The following TGFB2 variants were observed in gnomAD, a reference collection of about 807,000 sequenced individuals.
The protein encoded by TGFB2 is transforming growth factor beta-2 proprotein.
A neutral mutation model predicts 42.7 loss-of-function variants in TGFB2; 13 were observed. The observed-to-expected ratio is 0.30, with a 90% CI of 0.20 to 0.48. The LOEUF is 0.48. Among genes scored for constraint, TGFB2 ranks in the 20% least tolerant of loss-of-function variants. The pLI is 0.99. For missense variants in TGFB2, 390 were observed against 517.5 expected, an observed-to-expected ratio of 0.75 and a Z score of 2.39; for synonymous variants, 193 against 193.6, an observed-to-expected ratio of 1.00 and a Z score of 0.03.
intron 2 of TGFB2, among the ~76,000 whole-genome samples, chr1:218,417,693 G>A (rs1323624845): frequency 6.6e-6 from 1 of 152,194 alleles, no homozygotes; most frequent in Non-Finnish European, 1.5e-5. Context: ...GGCCTAAGAG[G>A]AAAATGTGGT....
At chr1:218,356,204 G>A (rs900315604) in intron 1 of TGFB2, among the ~76,000 whole-genome samples, 3 of 151,800 alleles carry the variant, frequency 2.0e-5, no homozygotes, top group African/African-American at 7.3e-5. Context: ...GTTTCAAAGG[G>A]TATATAAATT....
intron 1 of TGFB2, among the ~76,000 whole-genome samples, chr1:218,404,051 C>CAAAAAAAAA: frequency 1.0e-5 from 1 of 99,764 alleles, no homozygotes; most frequent in Non-Finnish European, 2.1e-5. Context: ...TGGCAGATTA[C>CAAAAAAAAA]AAAAAAAAAA....
chr1:218,415,875 C>T (rs1659262702), intron 2 of TGFB2, among the ~76,000 whole-genome samples: 1 of 151,852 alleles, frequency 6.6e-6, no homozygotes, highest in African/African-American at 2.4e-5. Context: ...AAGTGTCTGG[C>T]ACACAAGATG....
chr1:218,352,855 T>G (rs1282997702), intron 1 of TGFB2, among the ~76,000 whole-genome samples: 1 of 152,226 alleles, frequency 6.6e-6, no homozygotes, highest in Non-Finnish European at 1.5e-5. Flanking sequence ...CTACTGAGTT[T>G]GTGGGAGACA....
intron 2 of TGFB2, among the ~76,000 whole-genome samples, chr1:218,422,282 A>G (rs1421117029): frequency 6.6e-6 from 1 of 151,454 alleles, no homozygotes; most frequent in East Asian, 1.9e-4. Flanking sequence ...CAGTGGTACA[A>G]TCTTGGCTCG....
chr1:218,384,987 G>A (rs1658085368), intron 1 of TGFB2, among the ~76,000 whole-genome samples: 1 of 152,186 alleles, frequency 6.6e-6, no homozygotes, highest in African/African-American at 2.4e-5. Flanking sequence ...TAACCACCCG[G>A]CAGATGGCTC....
chr1:218,422,917 A>T (rs1260894597), intron 2 of TGFB2, among the ~76,000 whole-genome samples: 9 of 152,206 alleles, frequency 5.9e-5, no homozygotes, highest in South Asian at 4.1e-4. Flanking sequence ...TGCATACAAG[A>T]TGCTCGGCAA....
At chr1:218,363,037 C>T (rs911283791) in intron 1 of TGFB2, among the ~76,000 whole-genome samples, 1 of 152,022 alleles carries the variant, frequency 6.6e-6, no homozygotes, top group African/African-American at 2.4e-5. Flanking sequence ...TTTATTTTAC[C>T]GTTTCAGTAT....
chr1:218,396,397 A>G (rs1169041279), intron 1 of TGFB2, among the ~76,000 whole-genome samples: 1 of 152,190 alleles, frequency 6.6e-6, no homozygotes, highest in African/African-American at 2.4e-5. Context: ...CTGCCAGGCC[A>G]TCTAGCTCAC....
intron 1 of TGFB2, among the ~76,000 whole-genome samples, chr1:218,356,097 G>A (rs1657023727): frequency 6.6e-6 from 1 of 152,070 alleles, no homozygotes; most frequent in South Asian, 2.1e-4. Flanking sequence ...ATCAAGAACA[G>A]GAGATCCACA....
intron 2 of TGFB2, among the ~76,000 whole-genome samples, chr1:218,413,552 C>T (rs138645425): frequency 1.2e-3 from 182 of 152,346 alleles, no homozygotes; most frequent in African/African-American, 4.3e-3. Flanking sequence ...AAAGGGACCC[C>T]TCTCTCTACA....
chr1:218,427,724 A>G (rs1659669976), intron 2 of TGFB2, among the ~76,000 whole-genome samples: 1 of 152,138 alleles, frequency 6.6e-6, no homozygotes, highest in South Asian at 2.1e-4. Context: ...TTCTTAATCC[A>G]GTCTATCATT....
At chr1:218,388,035 T>C (rs1462256582) in intron 1 of TGFB2, among the ~76,000 whole-genome samples, 2 of 152,028 alleles carry the variant, frequency 1.3e-5, no homozygotes, top group South Asian at 2.1e-4. Context: ...TCTGCAAGAA[T>C]AGAAGCTATA....
In TGFB2 at chr1:218,441,943, C is replaced by T. The variant is rs1349883455; in HGVS notation, c.*581C>T. The T allele has an allele frequency of 2.0e-5, 3 of 152,004 alleles. No homozygotes were observed. The highest frequency in any genetic ancestry group is 4.4e-5 in the Non-Finnish European group (3 of 68,008). The allele number at this position is 152,004 out of a possible 1,614,324, so 9.4% of individuals were successfully genotyped here. On this transcript the variant is annotated 3_prime_UTR_variant, in exon 7 of 7. Coordinates refer to ENST00000366930, the MANE Select transcript of TGFB2 (RefSeq NM_003238.6). ...AGAAACTCATGGATGGCTTAAGGAA[C>T]TTGAACTCAAACGAGCCAGAAAAAA...
intron 1 of TGFB2, among the ~76,000 whole-genome samples, chr1:218,397,760 C>T (rs554626186): frequency 6.6e-6 from 1 of 152,308 alleles, no homozygotes; most frequent in South Asian, 2.1e-4. Context: ...ATATCCACTG[C>T]AATGAGCAGG....
intron 2 of TGFB2, among the ~76,000 whole-genome samples, chr1:218,433,440 A>G (rs1230548411): frequency 1.3e-5 from 2 of 152,206 alleles, no homozygotes; most frequent in East Asian, 3.8e-4. Context: ...CACCATACCA[A>G]ACTACTTCTG....
chr1:218,434,395 C>T lies in TGFB2; in HGVS notation c.701C>T (p.Ser234Phe). 1 of 1,613,892 alleles carries T rather than the reference C, an allele frequency of 6.2e-7. No homozygotes were observed. Among genetic ancestry groups the T allele is most frequent in the Non-Finnish European group, 8.5e-7 (1 of 1,179,928 alleles). The change falls in exon 4 of 7, where the codon TCT becomes TTT. Residue 234 changes from serine to phenylalanine, a missense_variant. Transcript: ENST00000366930. ...LHCPCCTFVP[S>F]NNYIIPNKSE... ...TGTCCCTGCTGCACTTTTGTACCAT[C>T]TAATAATTACATCATCCCAAATAAA...
At chr1:218,424,342 A>T (rs182433900) in intron 2 of TGFB2, among the ~76,000 whole-genome samples, 1 of 152,330 alleles carries the variant, frequency 6.6e-6, no homozygotes. Flanking sequence ...AAAAGGCTAA[A>T]ACTTGGGTCA....
Position 218,405,526 on chromosome 1 carries a change from G to A in TGFB2, c.510+194G>A, listed in dbSNP as rs750509536. 27 of 956,044 alleles carry A rather than the reference G, an allele frequency of 2.8e-5. No homozygotes were observed. The South Asian group carries it at 3.0e-4, about 11-fold the overall frequency. 59.2% of individuals were successfully genotyped at this position (956,044 alleles called of 1,614,324 possible). ...ACTGCAGGAGTGCACCATCACACCC[G>A]ATTATCTTTTTAAAAAACTTTTTTT... On this transcript the variant is annotated intron_variant, in intron 2 of 6. Transcript: ENST00000366930.
Sources: allele counts gnomAD v4.1 joint callset (sites outside exome capture counted in the v4.1 genomes callset), GRCh38; gene constraint gnomAD v4.1.1; transcripts MANE v1.5; gene names NCBI Gene and HGNC (gene_info 2026-07-23, HGNC 2026-07-21).